Variants in CHIC2 observed in about 807,000 individuals in gnomAD.
CHIC2 encodes the protein cysteine-rich hydrophobic domain-containing protein 2.
In CHIC2, 14 loss-of-function variants were observed where a neutral mutation model predicts 25.9. The ratio of observed to expected loss-of-function variants is 0.54; its 90% CI spans 0.36 to 0.85. The LOEUF (loss-of-function observed/expected upper bound fraction) is 0.85. CHIC2 is among the 40% of genes least tolerant of loss of function. The pLI is 0.01. For synonymous variants in CHIC2, 70 were observed against 72.0 expected (o/e 0.97, Z 0.14); for missense variants, 146 against 202.0 (o/e 0.72, Z 1.68).
chr4:54,017,556 G>C lies in CHIC2; in HGVS notation c.331-3437C>G, dbSNP rs559127672. Among the ~76,000 whole-genome samples the C allele has an allele frequency of 1.9e-4, 29 of 152,274 alleles. 1 individual carries two copies. The South Asian group carries it at 5.8e-3, about 30-fold the overall frequency. ...AATCCTTTTCACTGCTCACACCCTG[G>C]GGGTGAGGGGACAGGTTAGCGGTTC... On this transcript the variant is annotated intron_variant, in intron 3 of 5. Transcript: ENST00000263921.
At chr4:54,052,551 T>C (rs1309486428) in intron 1 of CHIC2, among the ~76,000 whole-genome samples, 2 of 152,222 alleles carry the variant, frequency 1.3e-5, no homozygotes, top group Non-Finnish European at 2.9e-5. Context: ...AGAGCAATGA[T>C]TCCTGCATTG....
At chr4:54,062,843 T>C (rs571976838) in intron 1 of CHIC2, among the ~76,000 whole-genome samples, 83 of 152,270 alleles carry the variant, frequency 5.5e-4, no homozygotes, top group African/African-American at 1.9e-3. Context: ...TTCTGTGATA[T>C]ATGTTAAAAG....
At position 54,033,108 on chromosome 4, in the gene CHIC2, A is replaced by G. The variant is rs577737527; in HGVS notation, c.330+15847T>C. 7.2e-5 allele frequency among the ~76,000 whole-genome samples: 11 copies of G among 152,360 alleles called. No homozygotes were observed. The South Asian group carries it at 2.3e-3, about 32-fold the overall frequency. ...CCTCCCCAGAAGCTGAGCAGATGCC[A>G]GTGCCATGCTTCTTGTACAGCCTGT... On this transcript the variant is annotated intron_variant, in intron 3 of 5. Coordinates refer to ENST00000263921, the MANE Select transcript of CHIC2 (RefSeq NM_012110.4).
chr4:54,018,398 C>T (rs1214654182), intron 3 of CHIC2, among the ~76,000 whole-genome samples: 1 of 152,034 alleles, frequency 6.6e-6, no homozygotes, highest in Non-Finnish European at 1.5e-5. Flanking sequence ...TCCCTATAAA[C>T]AAATTAAATG....
At chr4:54,090,360 T>C in the CHIC2 span, among the ~76,000 whole-genome samples, 2 of 152,096 alleles carry the variant, frequency 1.3e-5, no homozygotes, top group Admixed American at 1.3e-4. Context: ...AATTTTTGTA[T>C]TTTTAGTAGA....
At chr4:54,012,121 TTA>T (rs1715613373) in intron 5 of CHIC2, among the ~76,000 whole-genome samples, 1 of 151,442 alleles carries the variant, frequency 6.6e-6, no homozygotes, top group Non-Finnish European at 1.5e-5. Context: ...CAGCTTATTA[TTA>T]TTTTTTTTAA....
upstream of CHIC2, among the ~76,000 whole-genome samples, chr4:54,065,702 GAAGA>G (rs2110098677): frequency 6.6e-6 from 1 of 152,310 alleles, no homozygotes; most frequent in Non-Finnish European, 1.5e-5. Flanking sequence ...CACCATGGGA[GAAGA>G]AAGGATAGTT....
chr4:54,074,234 G>A, the CHIC2 span, among the ~76,000 whole-genome samples: 11 of 152,088 alleles, frequency 7.2e-5, no homozygotes, highest in South Asian at 1.7e-3. Flanking sequence ...ATTAAGTTGT[G>A]TTATGTCTCT....
chr4:54,043,907 A>C (rs1193055482), intron 3 of CHIC2, among the ~76,000 whole-genome samples: 42 of 152,324 alleles, frequency 2.8e-4, no homozygotes, highest in East Asian at 5.8e-4. Flanking sequence ...TTCAGGAAAC[A>C]CATCTCACGT....
intron 3 of CHIC2, among the ~76,000 whole-genome samples, chr4:54,020,772 G>T (rs937619422): frequency 6.6e-6 from 1 of 151,994 alleles, no homozygotes; most frequent in African/African-American, 2.4e-5. Flanking sequence ...TTTATCCATG[G>T]ACCCAAAACT....
At chr4:54,025,275 T>TCAGTTACTTTGTACTTTGTA (rs1716023676) in intron 3 of CHIC2, among the ~76,000 whole-genome samples, 1 of 152,138 alleles carries the variant, frequency 6.6e-6, no homozygotes, top group Non-Finnish European at 1.5e-5. Flanking sequence ...CCTTAACTGA[T>TCAGTTACTTTGTACTTTGTA]CAATGTACTT....
intron 3 of CHIC2, among the ~76,000 whole-genome samples, chr4:54,040,209 T>C (rs1309135783): frequency 6.6e-6 from 1 of 152,142 alleles, no homozygotes; most frequent in Non-Finnish European, 1.5e-5. Context: ...TAAAAAACAA[T>C]TTTCAAAAAT....
chr4:54,025,696 A>G (rs1716037728), intron 3 of CHIC2, among the ~76,000 whole-genome samples: 1 of 151,850 alleles, frequency 6.6e-6, no homozygotes. Context: ...CCATGTCTAC[A>G]AAAATTACAA....
intron 1 of CHIC2, among the ~76,000 whole-genome samples, chr4:54,050,721 C>T (rs1002754779): frequency 2.0e-5 from 3 of 152,046 alleles, no homozygotes; most frequent in African/African-American, 7.2e-5. Context: ...AGGTTTGTAG[C>T]CTAAGGGCTA....
chr4:54,091,542 C>G, the CHIC2 span, among the ~76,000 whole-genome samples: 9 of 152,316 alleles, frequency 5.9e-5, no homozygotes, highest in Middle Eastern at 0.01. Flanking sequence ...ACGCTTCACT[C>G]ACACAGCTCC....
At chr4:54,077,595 T>TGA in the CHIC2 span, among the ~76,000 whole-genome samples, 1 of 152,218 alleles carries the variant, frequency 6.6e-6, no homozygotes, top group African/African-American at 2.4e-5. Context: ...AACAGACAGG[T>TGA]TATTTTGCTG....
intron 3 of CHIC2, among the ~76,000 whole-genome samples, chr4:54,023,284 C>G (rs1274005482): frequency 6.6e-6 from 1 of 152,172 alleles, no homozygotes; most frequent in East Asian, 1.9e-4. Context: ...GCCATCATGT[C>G]TCCGTGCAGA....
At chr4:54,040,372 G>C (rs574230305) in intron 3 of CHIC2, among the ~76,000 whole-genome samples, 1 of 152,142 alleles carries the variant, frequency 6.6e-6, no homozygotes, top group Admixed American at 6.5e-5. Flanking sequence ...CTCAAGATCA[G>C]CCTGGCCAAA....
intron 3 of CHIC2, among the ~76,000 whole-genome samples, chr4:54,033,334 T>C (rs1046581201): frequency 6.6e-6 from 1 of 152,216 alleles, no homozygotes; most frequent in Non-Finnish European, 1.5e-5. Flanking sequence ...TAATTTTTCA[T>C]TTACATATCT....
Sources: allele counts gnomAD v4.1 joint callset (sites outside exome capture counted in the v4.1 genomes callset), GRCh38; gene constraint gnomAD v4.1.1; transcripts MANE v1.5; gene names NCBI Gene and HGNC (gene_info 2026-07-23, HGNC 2026-07-21).